Variants in ERC2 observed in about 807,000 individuals in gnomAD.
ERC2 encodes the protein ELKS/RAB6-interacting/CAST family member 2.
Under a neutral mutation model 114.8 loss-of-function variants are expected in ERC2, and 42 were observed. That is an observed-to-expected ratio of 0.37 (90% confidence interval 0.29 to 0.47). ERC2 has a LOEUF of 0.47. Among genes scored for constraint, ERC2 ranks in the 20% least tolerant of loss-of-function variants. The probability of loss-of-function intolerance (pLI) is 0.99; values close to 1 mark genes in which losing one functional copy is unlikely to be tolerated. For missense variants in ERC2, 939 were observed against 1,150.7 expected (o/e 0.82, Z 2.66); for synonymous variants, 454 against 425.5 (o/e 1.07, Z -0.82).
chr3:55,675,382 T>C (rs879912311), intron 17 of ERC2, among the ~76,000 whole-genome samples: 1 of 152,104 alleles, frequency 6.6e-6, no homozygotes, highest in Non-Finnish European at 1.5e-5. Context: ...AGAAGGAATA[T>C]ATGGGGGAGG....
chr3:55,914,911 T>C (rs1396480242), intron 13 of ERC2, among the ~76,000 whole-genome samples: 1 of 152,168 alleles, frequency 6.6e-6, no homozygotes, highest in Admixed American at 6.5e-5. Flanking sequence ...GGAACATAGG[T>C]CATTATTTTA....
chr3:55,801,480 T>C (rs1182182780), intron 14 of ERC2, among the ~76,000 whole-genome samples: 1 of 152,160 alleles, frequency 6.6e-6, no homozygotes, highest in Non-Finnish European at 1.5e-5. Flanking sequence ...GAGCCAAAGG[T>C]TTGTCTAAAA....
intron 4 of ERC2, among the ~76,000 whole-genome samples, chr3:56,149,873 A>C (rs1019925639): frequency 1.3e-5 from 2 of 152,194 alleles, no homozygotes; most frequent in Non-Finnish European, 2.9e-5. Flanking sequence ...ATTGGGAAAA[A>C]ATTACCAATG....
At chr3:56,144,415 G>A (rs982521364) in intron 5 of ERC2, among the ~76,000 whole-genome samples, 2 of 152,202 alleles carry the variant, frequency 1.3e-5, no homozygotes, top group Non-Finnish European at 2.9e-5. Context: ...AGCTGTAGCT[G>A]ACAGCACAGT....
At chr3:55,640,721 G>T (rs150108918) in intron 17 of ERC2, among the ~76,000 whole-genome samples, 1 of 152,272 alleles carries the variant, frequency 6.6e-6, no homozygotes, top group East Asian at 1.9e-4. Context: ...TCCCCAGATG[G>T]AGTCCTGTGT....
intron 6 of ERC2, among the ~76,000 whole-genome samples, chr3:56,109,835 C>A (rs2078867259): frequency 6.6e-6 from 1 of 152,074 alleles, no homozygotes; most frequent in Non-Finnish European, 1.5e-5. Context: ...AGAGAACAAG[C>A]TGAAATTAGA....
At chr3:56,016,426 T>C (rs1169842971) in intron 8 of ERC2, among the ~76,000 whole-genome samples, 1 of 109,352 alleles carries the variant, frequency 9.1e-6, no homozygotes, top group Non-Finnish European at 2.1e-5. Context: ...CCTTTTTTTT[T>C]CTTTTTTTTT....
In ERC2 at chr3:55,950,572, C is replaced by G. The variant is rs763712662; in HGVS notation, c.2268-12G>C. 1.9e-6 allele frequency: 3 copies of G among 1,613,824 alleles called. No homozygotes were observed. The highest frequency in any genetic ancestry group is 1.7e-6 in the Non-Finnish European group (2 of 1,179,848). On this transcript the variant is annotated splice_polypyrimidine_tract_variant and intron_variant, in intron 12 of 17. Coordinates refer to ENST00000288221, the MANE Select transcript of ERC2 (RefSeq NM_015576.3). Reference sequence around the variant, plus strand: ...GATCTTTCATATGCCTGAGAAAAGTCAGCACAGCTTGGTTAAATTCTACCA... The same window carrying G: ...GATCTTTCATATGCCTGAGAAAAGTGAGCACAGCTTGGTTAAATTCTACCA...
intron 2 of ERC2, among the ~76,000 whole-genome samples, chr3:56,390,935 G>A (rs946211389): frequency 6.6e-6 from 1 of 152,172 alleles, no homozygotes; most frequent in Non-Finnish European, 1.5e-5. Context: ...AATGTGTTGT[G>A]AAGAAAATGC....
At chr3:55,824,009 G>A (rs887005880) in intron 14 of ERC2, among the ~76,000 whole-genome samples, 7 of 152,162 alleles carry the variant, frequency 4.6e-5, no homozygotes, top group African/African-American at 1.4e-4. Context: ...CCTTCTTGCT[G>A]TGTCCTCACA....
intron 17 of ERC2, among the ~76,000 whole-genome samples, chr3:55,621,330 G>A (rs2059320712): frequency 1.3e-5 from 2 of 152,152 alleles, no homozygotes; most frequent in African/African-American, 2.4e-5. Context: ...AAAGACAAGT[G>A]GGTTTTCCTT....
intron 15 of ERC2, among the ~76,000 whole-genome samples, chr3:55,733,861 A>G (rs1456037594): frequency 1.3e-5 from 2 of 152,192 alleles, no homozygotes; most frequent in Non-Finnish European, 2.9e-5. Context: ...CTTCAGAGCC[A>G]CATAAGGCCC....
chr3:55,644,412 T>C (rs2060308455), intron 17 of ERC2, among the ~76,000 whole-genome samples: 1 of 152,146 alleles, frequency 6.6e-6, no homozygotes, highest in South Asian at 2.1e-4. Context: ...CCTGATGTCA[T>C]AGAAAAAGTG....
At chr3:55,590,214 G>A (rs2057806338) in intron 17 of ERC2, among the ~76,000 whole-genome samples, 1 of 152,164 alleles carries the variant, frequency 6.6e-6, no homozygotes, top group South Asian at 2.1e-4. Flanking sequence ...CGTGCCCTGT[G>A]TGGCACATTG....
chr3:56,173,623 G>T, intron 3 of ERC2, 103 bp from the exon 4 acceptor site: 1 of 1,032,360 alleles, frequency 9.7e-7, no homozygotes, highest in Non-Finnish European at 1.4e-6. Context: ...GGTTCCCCTT[G>T]CACAGACATA....
chr3:56,080,808 G>T lies in ERC2; in HGVS notation c.1641+9C>A, dbSNP rs1161020731. On this transcript the variant is annotated intron_variant, in intron 7 of 17. Coordinates refer to ENST00000288221, the MANE Select transcript of ERC2 (RefSeq NM_015576.3). ...TACCCCACTTGAAGGTCTTATGTCA[G>T]CTACTCACCTTTTTCTGAAGAACAT... is the stretch of plus-strand genomic sequence containing the variant. 1 of 1,612,332 alleles carries T rather than the reference G, an allele frequency of 6.2e-7. No individual in the cohort carries two copies. Among genetic ancestry groups the T allele is most frequent in the African/African-American group, 1.3e-5 (1 of 74,968 alleles).
chr3:55,622,317 C>G (rs2649859), intron 17 of ERC2, among the ~76,000 whole-genome samples: 140,841 of 152,252 alleles, frequency 0.93, 65,269 homozygotes, highest in East Asian at 1. Context: ...GAGAAGGCAC[C>G]ACCTCAGCAG....
At chr3:55,604,401 A>G (rs1361326732) in intron 17 of ERC2, among the ~76,000 whole-genome samples, 1 of 152,192 alleles carries the variant, frequency 6.6e-6, no homozygotes, top group African/African-American at 2.4e-5. Flanking sequence ...TAGCTTAGGA[A>G]TATTTTATAA....
At chr3:56,197,132 G>A (rs1319217734) in intron 3 of ERC2, among the ~76,000 whole-genome samples, 1 of 152,128 alleles carries the variant, frequency 6.6e-6, no homozygotes, top group Non-Finnish European at 1.5e-5. Context: ...ATAGCAAAAT[G>A]TCATGATGGA....
Sources: allele counts gnomAD v4.1 joint callset (sites outside exome capture counted in the v4.1 genomes callset), GRCh38; gene constraint gnomAD v4.1.1; transcripts MANE v1.5; gene names NCBI Gene and HGNC (gene_info 2026-07-23, HGNC 2026-07-21).